SLC4A10: variants seen among roughly 807,000 people sequenced by gnomAD.
SLC4A10 encodes the protein sodium-driven chloride bicarbonate exchanger.
A neutral mutation model predicts 137.7 loss-of-function variants in SLC4A10; 42 were observed. The observed-to-expected ratio is 0.30, with a 90% CI of 0.24 to 0.39. The LOEUF (loss-of-function observed/expected upper bound fraction) is 0.39. Among genes scored for constraint, SLC4A10 ranks in the 10% least tolerant of loss-of-function variants. SLC4A10 has a pLI of 1.00. For missense variants in SLC4A10, 925 were observed against 1,355.0 expected (o/e 0.68, Z 4.98); for synonymous variants, 474 against 464.1 (o/e 1.02, Z -0.27).
intron 15 of SLC4A10, among the ~76,000 whole-genome samples, chr2:161,939,763 T>G (rs761579004): frequency 7.2e-5 from 11 of 152,090 alleles, no homozygotes; most frequent in Admixed American, 1.3e-4. Flanking sequence ...TCTGTAAATT[T>G]TAGATTTTCT....
At chr2:161,956,380 G>A (rs184160393) in intron 19 of SLC4A10, among the ~76,000 whole-genome samples, 50 of 152,232 alleles carry the variant, frequency 3.3e-4, no homozygotes, top group African/African-American at 1.2e-3. Context: ...TCATAAAGCA[G>A]TCACTAAAAA....
intron 1 of SLC4A10, among the ~76,000 whole-genome samples, chr2:161,655,900 G>T (rs1401365079): frequency 1.5e-5 from 2 of 137,400 alleles, no homozygotes; most frequent in Admixed American, 7.2e-5. Flanking sequence ...TGCAATCTCT[G>T]TCTCCCTGGT....
chr2:161,890,791 T>G (rs1201277031), intron 10 of SLC4A10, among the ~76,000 whole-genome samples: 1 of 152,194 alleles, frequency 6.6e-6, no homozygotes, highest in East Asian at 1.9e-4. Flanking sequence ...CCCATTTATA[T>G]TTAAGGTTAA....
At chr2:161,892,568 A>G (rs62188810) in intron 10 of SLC4A10, among the ~76,000 whole-genome samples, 10,403 of 152,168 alleles carry the variant, frequency 0.068, 458 homozygotes, top group East Asian at 0.13. Context: ...TAAAATGATC[A>G]TTATTACTTA....
chr2:161,695,681 T>C (rs2042413227), intron 1 of SLC4A10, among the ~76,000 whole-genome samples: 1 of 152,180 alleles, frequency 6.6e-6, no homozygotes, highest in Admixed American at 6.6e-5. Flanking sequence ...TTCCTTAGGC[T>C]ATTTTATAGA....
intron 3 of SLC4A10, among the ~76,000 whole-genome samples, chr2:161,819,801 G>A (rs746055631): frequency 2.0e-5 from 3 of 152,050 alleles, no homozygotes; most frequent in Non-Finnish European, 2.9e-5. Flanking sequence ...GCCCACATTT[G>A]TTATTTTTAA....
intron 1 of SLC4A10, among the ~76,000 whole-genome samples, chr2:161,636,754 A>G (rs552030756): frequency 2.2e-4 from 34 of 152,100 alleles, no homozygotes; most frequent in Non-Finnish European, 4.6e-4. Flanking sequence ...TAGTCGTGCA[A>G]TCATGGTTCA....
At chr2:161,799,335 A>T (rs72877381) in intron 2 of SLC4A10, among the ~76,000 whole-genome samples, 10,090 of 151,888 alleles carry the variant, frequency 0.066, 441 homozygotes, top group East Asian at 0.15. Context: ...AATTTCTTGA[A>T]TTTTTTGCCT....
intron 1 of SLC4A10, among the ~76,000 whole-genome samples, chr2:161,659,504 G>A (rs574146369): frequency 6.6e-6 from 1 of 152,238 alleles, no homozygotes; most frequent in South Asian, 2.1e-4. Flanking sequence ...GGAGAGTAAT[G>A]GGGAGTGGGT....
chr2:161,865,431 C>A (rs2060680818), intron 6 of SLC4A10, among the ~76,000 whole-genome samples: 1 of 152,006 alleles, frequency 6.6e-6, no homozygotes, highest in Non-Finnish European at 1.5e-5. Flanking sequence ...TCTGTACAAT[C>A]AGCCTTTATC....
chr2:161,873,990 C>T lies in SLC4A10; in HGVS notation c.933C>T (p.His311=). The T allele has an allele frequency of 6.3e-7, 1 of 1,590,960 alleles. No individual in the cohort carries two copies. The highest frequency in any genetic ancestry group is 1.7e-4 in the Middle Eastern group (1 of 6,052). The change falls in exon 8 of 27, where the codon CAC becomes CAT. Residue 311 remains histidine, a synonymous_variant. Coordinates refer to ENST00000446997, the MANE Select transcript of SLC4A10 (RefSeq NM_001178015.2). ...AAAGGCATGAAAAAGGACCTCCACA[C>T]CAGCAAGAGAGAGAGGTGAGGGCAT... ...MKQRHEKGPP[H]QQEREVDLHF...
chr2:161,631,265 G>T (rs1468763999), intron 1 of SLC4A10, among the ~76,000 whole-genome samples: 3 of 151,588 alleles, frequency 2.0e-5, no homozygotes, highest in African/African-American at 7.3e-5. Context: ...CCAATGAATT[G>T]CACACTGTAA....
At chr2:161,731,132 A>G (rs1221192188) in intron 1 of SLC4A10, among the ~76,000 whole-genome samples, 1 of 152,184 alleles carries the variant, frequency 6.6e-6, no homozygotes, top group Admixed American at 6.5e-5. Flanking sequence ...AATGCCTGGC[A>G]CATGGTAGGT....
chr2:161,883,331 T>C (rs2061961411), intron 10 of SLC4A10, among the ~76,000 whole-genome samples: 2 of 152,186 alleles, frequency 1.3e-5, no homozygotes, highest in African/African-American at 4.8e-5. Context: ...ATTAGTATTG[T>C]ATATTACTTT....
At chr2:161,950,214 G>T (rs987084076) in intron 18 of SLC4A10, among the ~76,000 whole-genome samples, 4 of 152,088 alleles carry the variant, frequency 2.6e-5, no homozygotes, top group African/African-American at 9.7e-5. Flanking sequence ...TAAACTGAAA[G>T]AAGCCTCTGA....
At chr2:161,691,267 C>G (rs2041964697) in intron 1 of SLC4A10, among the ~76,000 whole-genome samples, 1 of 143,040 alleles carries the variant, frequency 7.0e-6, no homozygotes, top group South Asian at 2.2e-4. Flanking sequence ...TTTAATATTG[C>G]CTTGAACACA....
At position 161,894,811 on chromosome 2, in the gene SLC4A10, A is replaced by C; in HGVS notation, c.1327A>C (p.Asn443His). 1.5e-6 allele frequency: 2 copies of C among 1,373,796 alleles called. No individual in the cohort carries two copies. Among genetic ancestry groups the C allele is most frequent in the Non-Finnish European group, 1.9e-6 (2 of 1,055,320 alleles). The allele number at this position is 1,373,796 out of a possible 1,614,324, so 85.1% of individuals were successfully genotyped here. A position where few individuals can be genotyped will look rare whatever the true frequency, so the allele number is the denominator to read the frequency against. ...AAGCATTCGAATAGAGCCTCCCAAAAATGTTCCTTCCCAGGTATGTATATT... is the reference window on the plus strand; with the variant it reads ...AAGCATTCGAATAGAGCCTCCCAAACATGTTCCTTCCCAGGTATGTATATT... ...DPSIRIEPPK[N>H]VPSQEKRKIP... The change falls in exon 11 of 27, where the codon AAT becomes CAT. Residue 443 changes from asparagine (N) to histidine (H), a missense_variant. Physicochemically the swap from Asn to His is moderately conservative, Grantham distance 68. Around this residue, in one of 11 missense-constraint regions of SLC4A10, gnomAD observed 15 missense variants for 49.1 expected, o/e 0.31. Coordinates refer to ENST00000446997, the MANE Select transcript of SLC4A10 (RefSeq NM_001178015.2).
intron 1 of SLC4A10, among the ~76,000 whole-genome samples, chr2:161,761,055 C>G (rs1176619970): frequency 6.6e-6 from 1 of 151,920 alleles, no homozygotes; most frequent in East Asian, 1.9e-4. Flanking sequence ...ACATGCCAGG[C>G]AAATTCATAC....
chr2:161,648,926 T>C lies in SLC4A10; in HGVS notation c.48+24360T>C, dbSNP rs377465881. ...ATAAGTAATACCTCAGTGAAAAACT[T>C]ATGTGTGTTCCTGGTAGATATTGAG... On this transcript the variant is annotated intron_variant, in intron 1 of 26. Transcript: ENST00000446997. Among the ~76,000 whole-genome samples, 12 of 152,294 alleles carry C rather than the reference T, an allele frequency of 7.9e-5. No homozygotes were observed. In the East Asian group the frequency reaches 1.9e-3, roughly 24 times the overall value.
Sources: allele counts gnomAD v4.1 joint callset (sites outside exome capture counted in the v4.1 genomes callset), GRCh38; gene constraint gnomAD v4.1.1; regional missense constraint gnomAD v4.1.1; transcripts MANE v1.5; gene names NCBI Gene and HGNC (gene_info 2026-07-23, HGNC 2026-07-21).